Variants in RNF150 observed in about 807,000 individuals in gnomAD.
RNF150 encodes ring finger protein 150.
RNF150 carries 24 observed loss-of-function variants against 39.3 expected under a neutral mutation model. That is an observed-to-expected ratio of 0.61 (90% CI 0.44 to 0.86). RNF150 has a LOEUF of 0.86. Ranked by LOEUF, RNF150 falls within the 40% of genes least tolerant of loss-of-function variation. The probability of loss-of-function intolerance (pLI) is 0.00; values close to 1 mark genes in which losing one functional copy is unlikely to be tolerated. For synonymous variants in RNF150, 255 were observed against 227.3 expected (o/e 1.12, Z -1.10); for missense variants, 502 against 587.8 (o/e 0.85, Z 1.51).
At chr4:140,956,615 GA>G (rs1732764698) in intron 2 of RNF150, among the ~76,000 whole-genome samples, 3 of 152,106 alleles carry the variant, frequency 2.0e-5, no homozygotes, top group South Asian at 2.1e-4. Context: ...ACATTTGGGG[GA>G]AAAAACAATA....
Position 140,928,910 on chromosome 4 carries a change from A to T in RNF150, c.891-2837T>A, listed in dbSNP as rs148598125. On this transcript the variant is annotated intron_variant, in intron 4 of 6. Transcript: ENST00000515673. ...TCTAATTCTCTGGAGACTCCTGACCAATATATCCTCCAATTAGAGTGGAGG... is the reference window on the plus strand; with the variant it reads ...TCTAATTCTCTGGAGACTCCTGACCTATATATCCTCCAATTAGAGTGGAGG... Among the ~76,000 whole-genome samples the T allele has an allele frequency of 2.3e-4, 35 of 152,250 alleles. No homozygotes were observed. The East Asian group carries it at 6.8e-3, about 29-fold the overall frequency.
intron 1 of RNF150, among the ~76,000 whole-genome samples, chr4:140,973,587 T>C (rs1020322347): frequency 2.6e-5 from 4 of 151,620 alleles, no homozygotes; most frequent in Admixed American, 6.6e-5. Flanking sequence ...TAACAAGTGG[T>C]ATAAACATGC....
chr4:140,911,060 C>T, intron 6 of RNF150, 84 bp downstream of exon 6: 3 of 1,085,286 alleles, frequency 2.8e-6, no homozygotes, highest in Admixed American at 2.0e-5. Context: ...ATATTTTTTT[C>T]TTTTTGAGGA....
intron 1 of RNF150, among the ~76,000 whole-genome samples, chr4:141,074,655 G>A (rs930013248): frequency 6.6e-6 from 1 of 152,124 alleles, no homozygotes; most frequent in African/African-American, 2.4e-5. Flanking sequence ...CCACTCCAGA[G>A]ATGCCACCCA....
intron 1 of RNF150, among the ~76,000 whole-genome samples, chr4:140,974,595 C>G (rs964402784): frequency 6.6e-6 from 1 of 152,082 alleles, no homozygotes; most frequent in Non-Finnish European, 1.5e-5. Context: ...TCCAGAGTGG[C>G]TGTATCATTT....
chr4:140,996,120 C>A (rs941732000), intron 1 of RNF150, among the ~76,000 whole-genome samples: 1 of 152,156 alleles, frequency 6.6e-6, no homozygotes, highest in African/African-American at 2.4e-5. Flanking sequence ...CCCTTTTTCC[C>A]CATCCTCATC....
chr4:141,156,509 G>A (rs746598586), intron 1 of RNF150, among the ~76,000 whole-genome samples: 2 of 152,128 alleles, frequency 1.3e-5, no homozygotes, highest in East Asian at 1.9e-4. Context: ...TTGAATGACC[G>A]AGCTTAGGTG....
intron 1 of RNF150, among the ~76,000 whole-genome samples, chr4:141,070,666 T>A (rs1737658941): frequency 7.0e-6 from 1 of 143,716 alleles, no homozygotes; most frequent in African/African-American, 2.5e-5. Flanking sequence ...GAAATGCAAA[T>A]CAAAACCACA....
At chr4:141,188,470 AC>A (rs1304851402) in intron 1 of RNF150, among the ~76,000 whole-genome samples, 3 of 152,226 alleles carry the variant, frequency 2.0e-5, no homozygotes, top group Non-Finnish European at 2.9e-5. Context: ...TCTCCCCGTC[AC>A]TTTCAGGTAC....
chr4:141,192,547 C>T (rs1728127155), intron 1 of RNF150, among the ~76,000 whole-genome samples: 1 of 152,100 alleles, frequency 6.6e-6, no homozygotes, highest in South Asian at 2.1e-4. Context: ...TAGACAGGAA[C>T]ATCAGGAAAG....
At chr4:141,203,665 C>A (rs1271182684) in intron 1 of RNF150, among the ~76,000 whole-genome samples, 1 of 151,858 alleles carries the variant, frequency 6.6e-6, no homozygotes, top group African/African-American at 2.4e-5. Context: ...TTAGGACAAC[C>A]TTCAAGGAAG....
intron 5 of RNF150, among the ~76,000 whole-genome samples, chr4:140,924,523 G>C (rs1250994208): frequency 6.6e-6 from 1 of 151,846 alleles, no homozygotes; most frequent in Non-Finnish European, 1.5e-5. Flanking sequence ...GGATGCAACT[G>C]TCTCTGTCTC....
At chr4:141,172,656 A>AT (rs1421874614) in intron 1 of RNF150, among the ~76,000 whole-genome samples, 1 of 151,992 alleles carries the variant, frequency 6.6e-6, no homozygotes, top group Non-Finnish European at 1.5e-5. Flanking sequence ...AGAGTTGGAG[A>AT]TTTTTTCTCT....
chr4:141,184,328 C>T (rs907403858), intron 1 of RNF150, among the ~76,000 whole-genome samples: 2 of 152,162 alleles, frequency 1.3e-5, no homozygotes, highest in African/African-American at 2.4e-5. Flanking sequence ...CTGTTCATAT[C>T]CTTTGCCCAC....
At chr4:140,939,606 TTGTGTGTGTGTGTGTGTGTG>T (rs142516967) in intron 4 of RNF150, among the ~76,000 whole-genome samples, 4,742 of 138,568 alleles carry the variant, frequency 0.034, 230 homozygotes, top group African/African-American at 0.11. Flanking sequence ...CAAGTGGAGT[TTGTGTGTGTGTGTGTGTGTG>T]TGTGTGTGTG....
upstream of RNF150, chr4:141,133,559 G>A (rs911492970): frequency 6.6e-6 from 1 of 152,374 alleles, no homozygotes; most frequent in Non-Finnish European, 1.5e-5. Flanking sequence ...CTCTTGCCAT[G>A]TTCCCTTGGT....
At chr4:141,064,155 A>G (rs999186168) in intron 1 of RNF150, among the ~76,000 whole-genome samples, 1 of 152,214 alleles carries the variant, frequency 6.6e-6, no homozygotes, top group Non-Finnish European at 1.5e-5. Context: ...CATTTGCTTA[A>G]CTAATACAGT....
intron 1 of RNF150, among the ~76,000 whole-genome samples, chr4:141,067,834 G>A (rs1180640845): frequency 6.6e-6 from 1 of 152,108 alleles, no homozygotes; most frequent in Admixed American, 6.6e-5. Flanking sequence ...GCCCAGAGAA[G>A]AAGGCAAATA....
chr4:140,893,011 G>A (rs879614396), intron 6 of RNF150, among the ~76,000 whole-genome samples: 7 of 152,040 alleles, frequency 4.6e-5, no homozygotes, highest in African/African-American at 7.2e-5. Flanking sequence ...AGGCTGCAGT[G>A]AGCCATGATT....
Sources: allele counts gnomAD v4.1 joint callset (sites outside exome capture counted in the v4.1 genomes callset), GRCh38; gene constraint gnomAD v4.1.1; transcripts MANE v1.5; gene names NCBI Gene and HGNC (gene_info 2026-07-23, HGNC 2026-07-21).